The following LBR variants were observed in gnomAD, a reference collection of about 807,000 sequenced individuals.
LBR encodes the protein lamin B receptor.
LBR carries 28 observed loss-of-function variants against 74.3 expected under a neutral mutation model. The ratio of observed to expected loss-of-function variants is 0.38; its 90% CI spans 0.28 to 0.52. LBR has a LOEUF of 0.52. Among genes scored for constraint, LBR ranks in the 20% least tolerant of loss-of-function variants. The pLI is 0.89. For missense variants in LBR, 717 were observed against 760.3 expected, an observed-to-expected ratio of 0.94 and a Z score of 0.67; for synonymous variants, 228 against 269.3, an observed-to-expected ratio of 0.85 and a Z score of 1.50.
intron 7 of LBR, 133 bp downstream of exon 7, chr1:225,415,145 C>T (rs1458659951): frequency 3.1e-6 from 2 of 648,392 alleles, no homozygotes; most frequent in African/African-American, 1.8e-5. Context: ...CAGGTATAAA[C>T]AGTTGCTCTT....
At chr1:225,418,308 C>A in intron 5 of LBR, 128 bp from the exon 6 acceptor site, 2 of 941,510 alleles carry the variant, frequency 2.1e-6, no homozygotes, top group Non-Finnish European at 3.3e-6. Flanking sequence ...TTCTAATGTA[C>A]CATCAAAAAC....
At chr1:225,403,532 C>T (rs2096085501) in intron 13 of LBR, 69 bp from the exon 14 acceptor site, 7 of 1,274,614 alleles carry the variant, frequency 5.5e-6, no homozygotes, top group Non-Finnish European at 7.9e-6. Context: ...TTCCTGCTTT[C>T]CCCCAAATTC....
At chr1:225,414,594 C>A (rs898022992) in intron 7 of LBR, among the ~76,000 whole-genome samples, 3 of 152,198 alleles carry the variant, frequency 2.0e-5, no homozygotes, top group African/African-American at 7.2e-5. Context: ...CCAGCAAGCT[C>A]ACAACTCATC....
chr1:225,415,791 T>C (rs1043060938), intron 6 of LBR, among the ~76,000 whole-genome samples: 2 of 152,226 alleles, frequency 1.3e-5, no homozygotes, highest in African/African-American at 4.8e-5. Context: ...CACTCTACTA[T>C]GACCCAAGTG....
intron 9 of LBR, 138 bp from the exon 10 acceptor site, chr1:225,410,554 A>G: frequency 1.2e-6 from 1 of 838,498 alleles, no homozygotes; most frequent in Admixed American, 2.0e-5. Flanking sequence ...GGAATAAGAC[A>G]TCTCAGCACC....
intron 2 of LBR, 52 bp downstream of exon 2, chr1:225,423,859 G>A (rs2150959958): frequency 1.3e-6 from 2 of 1,528,668 alleles, no homozygotes; most frequent in East Asian, 2.2e-5. Context: ...CATACTTAGA[G>A]TTATTTCCCA....
intron 10 of LBR, among the ~76,000 whole-genome samples, chr1:225,407,087 C>T (rs2150945699): frequency 6.6e-6 from 1 of 152,234 alleles, no homozygotes; most frequent in Admixed American, 6.5e-5. Context: ...CCCCCATGCC[C>T]AGGCCCTCCC....
At chr1:225,416,823 G>A (rs1393312746) in intron 6 of LBR, among the ~76,000 whole-genome samples, 4 of 152,064 alleles carry the variant, frequency 2.6e-5, no homozygotes, top group Non-Finnish European at 5.9e-5. Flanking sequence ...GTTGTATTAG[G>A]TATTATAAGC....
At chr1:225,416,371 C>G (rs562357666) in intron 6 of LBR, among the ~76,000 whole-genome samples, 8 of 152,304 alleles carry the variant, frequency 5.3e-5, no homozygotes, top group African/African-American at 1.7e-4. Flanking sequence ...AATGCAGCCA[C>G]GTTTTACCCC....
intron 7 of LBR, among the ~76,000 whole-genome samples, chr1:225,414,459 A>C (rs1416603823): frequency 1.3e-5 from 2 of 152,256 alleles, no homozygotes; most frequent in African/African-American, 4.8e-5. Context: ...GGATGACTAC[A>C]AAATAGATCT....
chr1:225,419,376 T>A lies in LBR; in HGVS notation c.527A>T (p.Lys176Ile), dbSNP rs1458312127. The A allele has an allele frequency of 1.4e-5, 22 of 1,614,058 alleles. No individual in the cohort carries two copies. The highest frequency in any genetic ancestry group is 1.9e-5 in the Non-Finnish European group (22 of 1,179,872). Residue 176 changes from lysine (K) to isoleucine (I), a missense_variant, in exon 5 of 14, where the codon AAA becomes ATA. Lys to Ile is a moderately radical substitution (Grantham distance 102). Transcript: ENST00000272163. The stretch of plus-strand genomic sequence containing the variant: ...TTCCTTAGAATCTATTTCTTTTAAT[T>A]TGACTTCTTCTCTTCTTGGACGAAG... ...YSLRPRREEVKLKEIDSKEEK... is the reference protein window; with the variant it reads ...YSLRPRREEVILKEIDSKEEK...
Position 225,422,140 on chromosome 1 carries a change from G to A in LBR, c.303C>T (p.Ser101=). 2 of 1,614,110 alleles carry A rather than the reference G, an allele frequency of 1.2e-6. No homozygotes were observed. Among genetic ancestry groups the A allele is most frequent in the South Asian group, 2.2e-5 (2 of 91,082 alleles). ...TTGCTTCCTTAATGTCGGCCTGGTG[G>A]GAAGCAGAAGCAGATCGGCGGGCAC... ...PKSARRSASA[S]HQADIKEARR... The change falls in exon 3 of 14, where the codon TCC becomes TCT. Residue 101 remains serine, a synonymous_variant. Coordinates refer to ENST00000272163, the MANE Select transcript of LBR (RefSeq NM_002296.4).
chr1:225,413,939 A>G (rs1360347041), intron 7 of LBR: 1 of 456,748 alleles, frequency 2.2e-6, no homozygotes, highest in Admixed American at 2.3e-5. Context: ...AAAATATAAC[A>G]CAAGACTACT....
intron 4 of LBR, 106 bp from the exon 5 acceptor site, chr1:225,419,558 A>G: frequency 1.0e-6 from 1 of 987,038 alleles, no homozygotes; most frequent in East Asian, 2.5e-5. Context: ...TAGTAAGAAT[A>G]AATTTGTGAA....
At chr1:225,414,145 TAAC>T (rs759008500) in intron 7 of LBR, 12 of 456,636 alleles carry the variant, frequency 2.6e-5, no homozygotes, top group Admixed American at 1.2e-4. Flanking sequence ...ACAAAAAGTC[TAAC>T]AATACCAATG....
At chr1:225,417,850 G>C in intron 6 of LBR, 134 bp downstream of exon 6, 1 of 777,720 alleles carries the variant, frequency 1.3e-6, no homozygotes, top group Non-Finnish European at 2.2e-6. Context: ...GGGCAGCATG[G>C]CACAGGCCTG....
intron 10 of LBR, among the ~76,000 whole-genome samples, chr1:225,407,927 G>T (rs1484425392): frequency 6.6e-6 from 1 of 151,614 alleles, no homozygotes; most frequent in Non-Finnish European, 1.5e-5. Flanking sequence ...TGTAATAATC[G>T]TACATATTTA....
intron 8 of LBR, 113 bp from the exon 9 acceptor site, chr1:225,411,553 G>T: frequency 2.5e-6 from 2 of 796,152 alleles, no homozygotes; most frequent in Non-Finnish European, 4.5e-6. Context: ...GCAAGACCCT[G>T]AGCAGGGCTC....
At chr1:225,415,132 C>G in intron 7 of LBR, 146 bp downstream of exon 7, 1 of 610,502 alleles carries the variant, frequency 1.6e-6, no homozygotes, top group South Asian at 2.0e-5. Context: ...TACAAGTTGG[C>G]TACAGGTATA....
Sources: gnomAD v4.1 joint callset for allele counts (sites outside exome capture counted in the v4.1 genomes callset) on GRCh38, gnomAD v4.1.1 for gene constraint, MANE v1.5 for transcripts, NCBI Gene and HGNC (gene_info 2026-07-23, HGNC 2026-07-21) for gene names.